PARP1: variants seen among roughly 807,000 people sequenced by gnomAD.
The protein encoded by PARP1 is poly [ADP-ribose] polymerase 1.
PARP1 carries 44 observed loss-of-function variants against 118.7 expected under a neutral mutation model. That is an observed-to-expected ratio of 0.37 (90% confidence interval 0.29 to 0.48). The LOEUF (loss-of-function observed/expected upper bound fraction) is 0.48. Among genes scored for constraint, PARP1 ranks in the 20% least tolerant of loss-of-function variants. PARP1 has a pLI of 0.99. For synonymous variants in PARP1, 492 were observed against 483.2 expected, an observed-to-expected ratio of 1.02 and a Z score of -0.24; for missense variants, 1,100 against 1,272.4, an observed-to-expected ratio of 0.86 and a Z score of 2.06.
intron 4 of PARP1, 36 bp downstream of exon 4, chr1:226,390,374 T>C (rs762940272): frequency 1.9e-6 from 3 of 1,595,292 alleles, no homozygotes; most frequent in East Asian, 2.2e-5. Context: ...AACCCCTCAC[T>C]GAACCCCCAG....
rs764991651 is a variant in PARP1 at position 226,363,933 on chromosome 1, GT to G, written c.2786+9del. On this transcript the variant is annotated intron_variant, in intron 20 of 22. Transcript: ENST00000366794. ...GAAATGCCATCAGTCCCAGAGCCAG[GT>G]TTACTCACATGTTTCCAAGGGCAAC... 1.2e-6 allele frequency: 2 copies of G among 1,613,492 alleles called. No homozygotes were observed. The highest frequency in any genetic ancestry group is 4.5e-5 in the East Asian group (2 of 44,876).
intron 1 of PARP1, among the ~76,000 whole-genome samples, chr1:226,403,040 C>A (rs188771422): frequency 6.6e-6 from 1 of 152,356 alleles, no homozygotes; most frequent in African/African-American, 2.4e-5. Flanking sequence ...GAGCTGGAGT[C>A]AGCTGCTCAC....
intron 20 of PARP1, 73 bp downstream of exon 20, chr1:226,363,870 G>A: frequency 1.3e-6 from 2 of 1,532,908 alleles, no homozygotes; most frequent in Non-Finnish European, 1.8e-6. Flanking sequence ...TCCCAGCCAA[G>A]GGGAGTTCTG....
At chr1:226,363,572 T>G (rs1015522014) in intron 20 of PARP1, among the ~76,000 whole-genome samples, 14 of 152,300 alleles carry the variant, frequency 9.2e-5, no homozygotes, top group African/African-American at 3.4e-4. Context: ...AATCTGGAAG[T>G]GGAATTAAAA....
chr1:226,377,830 C>T (rs1196439096), intron 12 of PARP1, among the ~76,000 whole-genome samples: 3 of 152,170 alleles, frequency 2.0e-5, no homozygotes, highest in Non-Finnish European at 1.5e-5. Context: ...TCACACACAC[C>T]CAGCTGCTGT....
At chr1:226,393,087 G>C in intron 2 of PARP1, 4 of 1,049,756 alleles carry the variant, frequency 3.8e-6, no homozygotes, top group Non-Finnish European at 5.1e-6. Context: ...ATTCCTAAGA[G>C]ATATCTTAAG....
chr1:226,386,885 A>G (rs1346435513), intron 5 of PARP1, among the ~76,000 whole-genome samples: 1 of 152,112 alleles, frequency 6.6e-6, no homozygotes, highest in Non-Finnish European at 1.5e-5. Context: ...GGTATATTAT[A>G]TTCAGTATCA....
chr1:226,384,473 T>C (rs1412392697), intron 7 of PARP1, among the ~76,000 whole-genome samples: 5 of 152,236 alleles, frequency 3.3e-5, no homozygotes, highest in African/African-American at 1.2e-4. Context: ...CCTTTAAAAA[T>C]GTATATAGAT....
intron 11 of PARP1, 123 bp downstream of exon 11, chr1:226,379,450 A>T: frequency 8.8e-7 from 1 of 1,129,964 alleles, no homozygotes; most frequent in Non-Finnish European, 1.3e-6. Context: ...AGGAGGCCTG[A>T]GTGAGGACAA....
Position 226,363,988 on chromosome 1 carries a change from T to A in PARP1, c.2741A>T (p.Asp914Val). 2 of 1,613,922 alleles carry A rather than the reference T, an allele frequency of 1.2e-6. No individual in the cohort carries two copies. The highest frequency in any genetic ancestry group is 1.7e-6 in the Non-Finnish European group (2 of 1,179,874). ...TCCCAACAGGATTAAGCCTATTGGGTCTCCCTGAGACGTATGGCAGTAGTT... is the reference window on the plus strand; with the variant it reads ...TCCCAACAGGATTAAGCCTATTGGGACTCCCTGAGACGTATGGCAGTAGTT... ...SANYCHTSQGDPIGLILLGEV... is the reference protein window; with the variant it reads ...SANYCHTSQGVPIGLILLGEV... The change falls in exon 20 of 23, where the codon GAC becomes GTC. Residue 914 changes from aspartate to valine, a missense_variant. By Grantham distance (152) the Asp-to-Val change is radical. Around this residue, in one of 2 missense-constraint regions of PARP1, gnomAD observed 152 missense variants for 240.6 expected, o/e 0.63. Coordinates refer to ENST00000366794, the MANE Select transcript of PARP1 (RefSeq NM_001618.4).
In PARP1 at chr1:226,390,572, C is replaced by T. The variant is rs1664804678; in HGVS notation, c.455G>A (p.Gly152Asp). The T allele has an allele frequency of 1.2e-6, 2 of 1,614,080 alleles. No homozygotes were observed. Among genetic ancestry groups the T allele is most frequent in the African/African-American group, 1.3e-5 (1 of 74,922 alleles). ...TGGATGGTACCAGCGGTCAATCATG[C>T]CTAGCTGTGGCTTCTCCGGGTCCAC... ...KMVDPEKPQL[G>D]MIDRWYHPGC... The change falls in exon 4 of 23, where the codon GGC becomes GAC. Residue 152 changes from glycine to aspartate, a missense_variant. Physicochemically the swap from Gly to Asp is moderately conservative, Grantham distance 94. Transcript: ENST00000366794.
At position 226,381,226 on chromosome 1, in the gene PARP1, A is replaced by G. The variant is rs111778373; in HGVS notation, c.1160-18T>C. Reference sequence around the variant, plus strand: ...TGGCTTATCTGGGATGAAAGGAGAGAATCATTCAGCAAGGCCAGCTCTGGT... The same window carrying G: ...TGGCTTATCTGGGATGAAAGGAGAGGATCATTCAGCAAGGCCAGCTCTGGT... On this transcript the variant is annotated intron_variant, in intron 8 of 22. Coordinates refer to ENST00000366794, the MANE Select transcript of PARP1 (RefSeq NM_001618.4). The G allele has an allele frequency of 2.5e-6, 4 of 1,613,990 alleles. No homozygotes were observed. Among genetic ancestry groups the G allele is most frequent in the Non-Finnish European group, 3.4e-6 (4 of 1,179,998 alleles).
chr1:226,406,288 T>C (rs1576405641), intron 1 of PARP1, among the ~76,000 whole-genome samples: 1 of 152,342 alleles, frequency 6.6e-6, no homozygotes, highest in Non-Finnish European at 1.5e-5. Context: ...TTTTCTTATC[T>C]AAACTCATGG....
intron 3 of PARP1, among the ~76,000 whole-genome samples, chr1:226,391,172 G>A (rs1664813801): frequency 6.6e-6 from 1 of 151,782 alleles, no homozygotes; most frequent in Non-Finnish European, 1.5e-5. Context: ...TGTTGCCCGG[G>A]CTGGTCCAGA....
rs534237143 is a variant in PARP1 at position 226,394,169 on chromosome 1, A to G, written c.287-1855T>C. On this transcript the variant is annotated intron_variant, in intron 2 of 22. Transcript: ENST00000366794. ...TTCAAGACCAGCCTGGGCAACATAG[A>G]GACCTCCTCCATTTAAGGAAGAAAC... 8.5e-5 allele frequency among the ~76,000 whole-genome samples: 13 copies of G among 152,266 alleles called. No individual in the cohort carries two copies. In the East Asian group the frequency reaches 2.5e-3, roughly 30 times the overall value.
At chr1:226,388,992 G>C (rs1368230785) in intron 4 of PARP1, among the ~76,000 whole-genome samples, 1 of 151,946 alleles carries the variant, frequency 6.6e-6, no homozygotes, top group Non-Finnish European at 1.5e-5. Flanking sequence ...TACTCTCCCA[G>C]CCAGGGAGAG....
At chr1:226,379,503 T>A in intron 11 of PARP1, 70 bp downstream of exon 11, 1 of 1,305,836 alleles carries the variant, frequency 7.7e-7, no homozygotes, top group East Asian at 2.3e-5. Flanking sequence ...GGCATTTGGA[T>A]GTGTGCTCCT....
chr1:226,405,469 C>T (rs1224288562), intron 1 of PARP1, among the ~76,000 whole-genome samples: 4 of 152,104 alleles, frequency 2.6e-5, no homozygotes, highest in Non-Finnish European at 5.9e-5. Context: ...CCACGACCCG[C>T]TAATCATTGC....
intron 7 of PARP1, among the ~76,000 whole-genome samples, chr1:226,384,516 G>A (rs990973027): frequency 5.9e-5 from 9 of 152,224 alleles, no homozygotes; most frequent in African/African-American, 1.9e-4. Flanking sequence ...TACAAGGAAT[G>A]GCACATTGCT....
Sources: allele counts gnomAD v4.1 joint callset (sites outside exome capture counted in the v4.1 genomes callset), GRCh38; gene constraint gnomAD v4.1.1; regional missense constraint gnomAD v4.1.1; transcripts MANE v1.5; gene names NCBI Gene and HGNC (gene_info 2026-07-23, HGNC 2026-07-21).